Variants in SPAG17 observed in about 807,000 individuals in gnomAD.
SPAG17 encodes sperm-associated antigen 17.
In SPAG17, 169 loss-of-function variants were observed where a neutral mutation model predicts 273.6. That is an observed-to-expected ratio of 0.62 (90% CI 0.55 to 0.70). The LOEUF (loss-of-function observed/expected upper bound fraction) is 0.70, where lower values mean the gene tolerates loss of function less well. Ranked by LOEUF, SPAG17 falls within the 30% of genes least tolerant of loss-of-function variation. The probability of loss-of-function intolerance (pLI) is 0.00; values close to 1 mark genes in which losing one functional copy is unlikely to be tolerated. For synonymous variants in SPAG17, 825 were observed against 873.2 expected, an observed-to-expected ratio of 0.94 and a Z score of 0.97; for missense variants, 2,557 against 2,627.8, an observed-to-expected ratio of 0.97 and a Z score of 0.59.
chr1:118,097,865 C>T lies in SPAG17; in HGVS notation c.830-14G>A. On this transcript the variant is annotated splice_polypyrimidine_tract_variant and intron_variant, in intron 6 of 48. Coordinates refer to ENST00000336338, the MANE Select transcript of SPAG17 (RefSeq NM_206996.4). Reference sequence around the variant, plus strand: ...CTGCTTCTAGATCTAATAATAGCAACATGTTTATATTACCAAATGAGAGTG... The same window carrying T: ...CTGCTTCTAGATCTAATAATAGCAATATGTTTATATTACCAAATGAGAGTG... 6.5e-7 allele frequency: 1 copy of T among 1,539,632 alleles called. No homozygotes were observed. The highest frequency in any genetic ancestry group is 8.8e-7 in the Non-Finnish European group (1 of 1,140,198).
intron 1 of SPAG17, among the ~76,000 whole-genome samples, chr1:118,161,649 T>C (rs1206506532): frequency 6.6e-6 from 1 of 152,188 alleles, no homozygotes; most frequent in African/African-American, 2.4e-5. Flanking sequence ...GCCATTCTCC[T>C]GCCTCAGCCT....
intron 18 of SPAG17, among the ~76,000 whole-genome samples, chr1:118,065,173 A>G (rs1441143827): frequency 6.6e-6 from 1 of 151,882 alleles, no homozygotes; most frequent in Non-Finnish European, 1.5e-5. Context: ...AAGGTAAAAG[A>G]ATATTTTAAT....
intron 20 of SPAG17, among the ~76,000 whole-genome samples, chr1:118,045,172 T>C (rs1650208203): frequency 6.6e-6 from 1 of 152,116 alleles, no homozygotes; most frequent in Non-Finnish European, 1.5e-5. Context: ...AGCCCCTAAG[T>C]CCCTTGGAAT....
intron 18 of SPAG17, among the ~76,000 whole-genome samples, chr1:118,056,980 CTT>C (rs1173288943): frequency 2.1e-5 from 3 of 145,078 alleles, no homozygotes; most frequent in Non-Finnish European, 1.5e-5. Context: ...TATTTTCTTT[CTT>C]TTTTTTTTTT....
chr1:117,981,746 C>G (rs953820146), intron 42 of SPAG17, among the ~76,000 whole-genome samples: 1 of 152,144 alleles, frequency 6.6e-6, no homozygotes, highest in African/African-American at 2.4e-5. Flanking sequence ...TACCTGGTAA[C>G]GGCAACTGAG....
rs559403847 is a variant in SPAG17, at chr1:118,031,558, T to C, written c.3609+134A>G. On this transcript the variant is annotated intron_variant, in intron 25 of 48. Coordinates refer to ENST00000336338, the MANE Select transcript of SPAG17 (RefSeq NM_206996.4). ...CTTCTTGTCTATTCAAAGTTGAGACTACAAGGGACGTTAATGTATCTGCAC... is the reference window on the plus strand; with the variant it reads ...CTTCTTGTCTATTCAAAGTTGAGACCACAAGGGACGTTAATGTATCTGCAC... 1.0e-5 allele frequency: 10 copies of C among 959,326 alleles called. No homozygotes were observed. In the African/African-American group the frequency reaches 1.6e-4, roughly 16 times the overall value. 59.4% of individuals were successfully genotyped at this position (959,326 alleles called of 1,614,324 possible).
intron 43 of SPAG17, among the ~76,000 whole-genome samples, chr1:117,977,126 A>C (rs1655223813): frequency 6.6e-6 from 1 of 151,012 alleles, no homozygotes; most frequent in South Asian, 2.1e-4. Context: ...ACTGGCCAAC[A>C]TAGTGAAACC....
chr1:118,066,551 CA>C (rs1652992518), intron 18 of SPAG17, among the ~76,000 whole-genome samples, 193 bp downstream of exon 18: 1 of 152,160 alleles, frequency 6.6e-6, no homozygotes, highest in African/African-American at 2.4e-5. Context: ...GGTATAGCTC[CA>C]ATGCCCATAC....
At chr1:118,079,971 C>T (rs1431377637) in intron 15 of SPAG17, among the ~76,000 whole-genome samples, 3 of 152,158 alleles carry the variant, frequency 2.0e-5, no homozygotes, top group Admixed American at 1.3e-4. Context: ...CCTATAATCA[C>T]TAAGACGCTA....
chr1:118,062,535 A>T (rs1306154076), intron 18 of SPAG17, among the ~76,000 whole-genome samples: 1 of 152,046 alleles, frequency 6.6e-6, no homozygotes, highest in Admixed American at 6.5e-5. Flanking sequence ...ATAAAGAGGA[A>T]CATGCCTAAG....
At position 118,055,787 on chromosome 1, in the gene SPAG17, CAGA is replaced by C. The variant is rs765508559; in HGVS notation, c.2665_2667del (p.Ser889del). 34 of 1,612,994 alleles carry C rather than the reference CAGA, an allele frequency of 2.1e-5. No individual in the cohort carries two copies. The highest frequency in any genetic ancestry group is 2.7e-5 in the African/African-American group (2 of 75,000). ...CTAGCAGAAGTAAGTTTGGCATTAG[CAGA>C]AGATTTCAATTCCAGCTCAGCTCTG... On this transcript the variant is annotated inframe_deletion, in exon 19 of 49. Transcript: ENST00000336338.
At chr1:118,069,277 G>A (rs370856495) in intron 17 of SPAG17, among the ~76,000 whole-genome samples, 2 of 146,846 alleles carry the variant, frequency 1.4e-5, no homozygotes, top group Non-Finnish European at 3.0e-5. Flanking sequence ...CCCAGGAGGC[G>A]GAGGTTGCAG....
intron 15 of SPAG17, among the ~76,000 whole-genome samples, chr1:118,079,133 T>G (rs1480336068): frequency 6.6e-6 from 1 of 152,082 alleles, no homozygotes; most frequent in Non-Finnish European, 1.5e-5. Context: ...TGGAATAATT[T>G]TTGTTAAGAT....
At chr1:118,096,305 G>T (rs1655696691) in intron 7 of SPAG17, among the ~76,000 whole-genome samples, 1 of 151,656 alleles carries the variant, frequency 6.6e-6, no homozygotes, top group Admixed American at 6.6e-5. Context: ...ACCCTCAGCT[G>T]TAGAAACAGT....
At chr1:117,997,567 A>T (rs1447471501) in intron 32 of SPAG17, among the ~76,000 whole-genome samples, 1 of 26,886 alleles carries the variant, frequency 3.7e-5, no homozygotes, top group Non-Finnish European at 7.1e-5. Context: ...AATGAGAAGT[A>T]AAAAAAAAAA....
chr1:118,057,498 A>C (rs889333682), intron 18 of SPAG17, among the ~76,000 whole-genome samples: 3 of 152,224 alleles, frequency 2.0e-5, no homozygotes, highest in African/African-American at 7.2e-5. Context: ...TACACCAAGG[A>C]AATATAGACT....
Position 118,084,968 on chromosome 1 carries a change from A to G in SPAG17, c.1762+954T>C, listed in dbSNP as rs536759777. Among the ~76,000 whole-genome samples, 10 of 152,294 alleles carry G rather than the reference A, an allele frequency of 6.6e-5. No individual in the cohort carries two copies. In the South Asian group the frequency reaches 1.9e-3, roughly 28 times the overall value. On this transcript the variant is annotated intron_variant, in intron 13 of 48. Transcript: ENST00000336338. Reference sequence around the variant, plus strand: ...CTATGATTCATCTTTCTAGATACAAATTTAATTTCTGGTTATAAATAGTGT... The same window carrying G: ...CTATGATTCATCTTTCTAGATACAAGTTTAATTTCTGGTTATAAATAGTGT...
At chr1:118,157,131 C>A (rs1306863950) in intron 1 of SPAG17, among the ~76,000 whole-genome samples, 2 of 152,156 alleles carry the variant, frequency 1.3e-5, no homozygotes. Context: ...CACTACAAAT[C>A]AGAGATGTTC....
chr1:118,016,720 G>A (rs886765882), intron 28 of SPAG17, among the ~76,000 whole-genome samples: 2 of 152,098 alleles, frequency 1.3e-5, no homozygotes, highest in African/African-American at 4.8e-5. Flanking sequence ...CATATCCCTG[G>A]GGAGAGGAGT....
Sources: gnomAD v4.1 joint callset for allele counts (sites outside exome capture counted in the v4.1 genomes callset) on GRCh38, gnomAD v4.1.1 for gene constraint, MANE v1.5 for transcripts, NCBI Gene and HGNC (gene_info 2026-07-23, HGNC 2026-07-21) for gene names.